CAMKMT: variants seen among roughly 807,000 people sequenced by gnomAD.
CAMKMT encodes calmodulin-lysine N-methyltransferase.
In CAMKMT, 53 loss-of-function variants were observed where a neutral mutation model predicts 48.0. That is an observed-to-expected ratio of 1.10 (90% CI 0.89 to 1.39). The LOEUF (loss-of-function observed/expected upper bound fraction) is 1.39. CAMKMT is among the 40% of genes most tolerant of loss of function. The pLI is 0.00. For missense variants in CAMKMT, 428 were observed against 402.7 expected, an observed-to-expected ratio of 1.06 and a Z score of -0.54; for synonymous variants, 165 against 152.3, an observed-to-expected ratio of 1.08 and a Z score of -0.61.
At chr2:44,404,658 C>G (rs1020131721) in intron 3 of CAMKMT, among the ~76,000 whole-genome samples, 63 of 152,090 alleles carry the variant, frequency 4.1e-4, no homozygotes, top group African/African-American at 1.3e-3. Flanking sequence ...TTTTAAAAAT[C>G]TACTTAATGT....
At chr2:44,485,933 A>C (rs1438982875) in intron 3 of CAMKMT, among the ~76,000 whole-genome samples, 1 of 152,026 alleles carries the variant, frequency 6.6e-6, no homozygotes, top group Non-Finnish European at 1.5e-5. Flanking sequence ...CATTTCTTAA[A>C]CTGGGTGATG....
chr2:44,667,191 T>C (rs1397210827), intron 3 of CAMKMT, among the ~76,000 whole-genome samples: 1 of 152,222 alleles, frequency 6.6e-6, no homozygotes, highest in African/African-American at 2.4e-5. Context: ...GATCCAACAG[T>C]TCCCTGAGGG....
At chr2:44,462,028 T>C (rs1667873652) in intron 3 of CAMKMT, among the ~76,000 whole-genome samples, 1 of 152,222 alleles carries the variant, frequency 6.6e-6, no homozygotes, top group Non-Finnish European at 1.5e-5. Context: ...CTTCCAATTA[T>C]GTTTCCTTTC....
intron 3 of CAMKMT, among the ~76,000 whole-genome samples, chr2:44,497,482 TAA>T (rs1375979849): frequency 6.6e-6 from 1 of 151,934 alleles, no homozygotes; most frequent in East Asian, 1.9e-4. Flanking sequence ...GGATAACAGA[TAA>T]GAGAGAGTAA....
chr2:44,551,399 G>C (rs1373086319), intron 3 of CAMKMT, among the ~76,000 whole-genome samples: 1 of 152,176 alleles, frequency 6.6e-6, no homozygotes, highest in Admixed American at 6.5e-5. Context: ...AATTGTGCGT[G>C]TTGCCCTTTG....
chr2:44,385,493 A>G (rs1680700881), intron 2 of CAMKMT, among the ~76,000 whole-genome samples: 1 of 152,146 alleles, frequency 6.6e-6, no homozygotes. Context: ...TGCTCTGGCT[A>G]GGACTTCCAG....
At chr2:44,526,122 A>G (rs1427127055) in intron 3 of CAMKMT, among the ~76,000 whole-genome samples, 1 of 151,736 alleles carries the variant, frequency 6.6e-6, no homozygotes, top group East Asian at 1.9e-4. Flanking sequence ...CATCATTCTC[A>G]GGAAACTATC....
chr2:44,599,783 G>A (rs1670876519), intron 3 of CAMKMT, among the ~76,000 whole-genome samples: 1 of 150,222 alleles, frequency 6.7e-6, no homozygotes, highest in African/African-American at 2.5e-5. Context: ...CTATTTCTGA[G>A]AGGATTTTAT....
chr2:44,413,625 C>A (rs1264238732), intron 3 of CAMKMT, among the ~76,000 whole-genome samples: 1 of 144,090 alleles, frequency 6.9e-6, no homozygotes, highest in Non-Finnish European at 1.5e-5. Flanking sequence ...GCACTTAAGT[C>A]AGGGTGACAG....
At chr2:44,549,657 T>C in intron 3 of CAMKMT, 1 of 593,802 alleles carries the variant, frequency 1.7e-6, no homozygotes. Context: ...AAACACTTCG[T>C]GGCAGAAGAT....
chr2:44,734,121 C>A (rs1200940458), intron 7 of CAMKMT, among the ~76,000 whole-genome samples: 1 of 150,678 alleles, frequency 6.6e-6, no homozygotes, highest in African/African-American at 2.4e-5. Flanking sequence ...GTTTAACTTA[C>A]TCTTCTTTTT....
chr2:44,604,988 A>G (rs1229850010), intron 3 of CAMKMT, among the ~76,000 whole-genome samples: 1 of 152,162 alleles, frequency 6.6e-6, no homozygotes, highest in Non-Finnish European at 1.5e-5. Context: ...GAGTGCCATC[A>G]GTCCCTGATG....
intron 3 of CAMKMT, among the ~76,000 whole-genome samples, chr2:44,511,205 C>T (rs558272709): frequency 2.0e-4 from 31 of 152,152 alleles, no homozygotes; most frequent in South Asian, 4.1e-4. Context: ...TGACAACATA[C>T]GATATTTAGT....
chr2:44,669,646 TC>T (rs1180264952), intron 3 of CAMKMT, among the ~76,000 whole-genome samples: 1 of 152,114 alleles, frequency 6.6e-6, no homozygotes, highest in Non-Finnish European at 1.5e-5. Context: ...TTTTTTTCTT[TC>T]TTTTTCTTCA....
chr2:44,531,565 A>G (rs1452514581), intron 3 of CAMKMT, among the ~76,000 whole-genome samples: 2 of 152,150 alleles, frequency 1.3e-5, no homozygotes, highest in African/African-American at 4.8e-5. Context: ...GTTATTAGTC[A>G]TGGGAGCCAA....
intron 3 of CAMKMT, among the ~76,000 whole-genome samples, chr2:44,559,006 TAAAC>T (rs1484488291): frequency 4.6e-5 from 7 of 151,092 alleles, no homozygotes; most frequent in East Asian, 1.9e-4. Context: ...GATAGATAGA[TAAAC>T]AGACAGACAT....
At chr2:44,746,319 CA>C (rs1460297816) in intron 8 of CAMKMT, among the ~76,000 whole-genome samples, 1 of 152,180 alleles carries the variant, frequency 6.6e-6, no homozygotes, top group Non-Finnish European at 1.5e-5. Context: ...AAACCTATTC[CA>C]AACCCACATT....
intron 3 of CAMKMT, among the ~76,000 whole-genome samples, chr2:44,567,419 C>T (rs1011595639): frequency 1.3e-4 from 19 of 152,000 alleles, no homozygotes; most frequent in African/African-American, 3.6e-4. Flanking sequence ...ACAGAGCAAC[C>T]GGCTATCAAC....
intron 3 of CAMKMT, among the ~76,000 whole-genome samples, chr2:44,439,213 C>T (rs1490557125): frequency 2.0e-5 from 3 of 152,064 alleles, no homozygotes; most frequent in South Asian, 4.2e-4. Flanking sequence ...ATTAAGAACT[C>T]TCATTGGGAC....
Sources: gnomAD v4.1 joint callset for allele counts (sites outside exome capture counted in the v4.1 genomes callset) on GRCh38, gnomAD v4.1.1 for gene constraint, MANE v1.5 for transcripts, NCBI Gene and HGNC (gene_info 2026-07-23, HGNC 2026-07-21) for gene names.